MAP4K5: variants seen among roughly 807,000 people sequenced by gnomAD.
The protein encoded by MAP4K5 is mitogen-activated protein kinase kinase kinase kinase 5.
Under a neutral mutation model 135.6 loss-of-function variants are expected in MAP4K5, and 82 were observed. That is an observed-to-expected ratio of 0.60 (90% CI 0.51 to 0.73). MAP4K5 has a LOEUF of 0.73. MAP4K5 is among the 30% of genes least tolerant of loss of function. The probability of loss-of-function intolerance (pLI) is 0.00; values close to 1 mark genes in which losing one functional copy is unlikely to be tolerated. For synonymous variants in MAP4K5, 347 were observed against 335.0 expected, an observed-to-expected ratio of 1.04 and a Z score of -0.39; for missense variants, 907 against 1,010.9, an observed-to-expected ratio of 0.90 and a Z score of 1.39.
At chr14:50,448,613 AAACT>A (rs1357486307) in intron 15 of MAP4K5, among the ~76,000 whole-genome samples, 157 bp downstream of exon 15, 4 of 152,124 alleles carry the variant, frequency 2.6e-5, no homozygotes, top group Non-Finnish European at 2.9e-5. Flanking sequence ...AGTAAAAATA[AAACT>A]AACTATAAAC....
chr14:50,463,120 T>C (rs1171319519), intron 12 of MAP4K5, among the ~76,000 whole-genome samples: 1 of 152,206 alleles, frequency 6.6e-6, no homozygotes, highest in African/African-American at 2.4e-5. Flanking sequence ...TACTGTGGTA[T>C]GGTACATAAT....
At chr14:50,444,105 C>G in intron 18 of MAP4K5, 69 bp from the exon 19 acceptor site, 1 of 1,000,170 alleles carries the variant, frequency 1.0e-6, no homozygotes, top group Non-Finnish European at 1.5e-6. Flanking sequence ...ATTATTTCCC[C>G]TTTCTCCCAC....
At chr14:50,468,557 C>T (rs1365169896) in intron 10 of MAP4K5, 94 bp downstream of exon 10, 5 of 1,284,496 alleles carry the variant, frequency 3.9e-6, no homozygotes, top group Non-Finnish European at 5.4e-6. Flanking sequence ...TACTATTTTT[C>T]ATTCTTAAAA....
chr14:50,443,944 A>G lies in MAP4K5; in HGVS notation c.1432T>C (p.Phe478Leu), dbSNP rs375044484. 11 of 1,603,852 alleles carry G rather than the reference A, an allele frequency of 6.9e-6. No homozygotes were observed. The highest frequency in any genetic ancestry group is 9.4e-6 in the Non-Finnish European group (11 of 1,173,742). The change falls in exon 19 of 33, where the codon TTC (phenylalanine) becomes CTC (leucine). Residue 478 changes from phenylalanine (F) to leucine (L), a missense_variant. By Grantham distance (22) the Phe-to-Leu change is conservative. Transcript: ENST00000682126. ...QLPRKKDKRDFPKPAINGLPP... is the reference protein window; with the variant it reads ...QLPRKKDKRDLPKPAINGLPP... ...TAAATGCCTGTTATACCTACAGGGA[A>G]GTCTCGTTTGTCCTTTTTTCGTGGT...
At chr14:50,487,093 TA>T (rs2037378564) in intron 3 of MAP4K5, among the ~76,000 whole-genome samples, 1 of 152,354 alleles carries the variant, frequency 6.6e-6, no homozygotes, top group African/African-American at 2.4e-5. Flanking sequence ...GTCATGCCAT[TA>T]AAAGCTTTTA....
chr14:50,504,341 T>C (rs1172969793), intron 3 of MAP4K5, among the ~76,000 whole-genome samples: 1 of 152,110 alleles, frequency 6.6e-6, no homozygotes, highest in Non-Finnish European at 1.5e-5. Flanking sequence ...AACTATTCAA[T>C]GTGTTTTGAA....
chr14:50,486,342 T>G, intron 3 of MAP4K5, 148 bp from the exon 4 acceptor site: 2 of 480,554 alleles, frequency 4.2e-6, no homozygotes, highest in Non-Finnish European at 7.4e-6. Flanking sequence ...AATCTTTCTA[T>G]AAAGTCAGAA....
intron 2 of MAP4K5, among the ~76,000 whole-genome samples, chr14:50,514,219 G>C (rs946248928): frequency 8.7e-5 from 13 of 149,120 alleles, no homozygotes; most frequent in African/African-American, 2.7e-4. Context: ...CCGGGACTAA[G>C]GCAGGCACCA....
rs74639090 is a variant in MAP4K5, at chr14:50,437,502, G to T, written c.1856C>A (p.Thr619Lys). Residue 619 changes from threonine (T) to lysine (K), a missense_variant, in exon 26 of 33, where the codon ACA becomes AAA. By Grantham distance (78) the Thr-to-Lys change is moderately conservative (BLOSUM62 -1). Around this residue, in one of 3 missense-constraint regions of MAP4K5, gnomAD observed 690 missense variants for 777.4 expected, o/e 0.89. Transcript: ENST00000682126. Reference sequence around the variant, plus strand: ...TATGCAACATTTGTGGCAGCCTTTTGTATCAGGAATCTTTGTTGTTAAAGC... The same window carrying T: ...TATGCAACATTTGTGGCAGCCTTTTTTATCAGGAATCTTTGTTGTTAAAGC... ...KFALTTKIPD[T>K]KGCHKCCIVR... 1.9e-6 allele frequency: 3 copies of T among 1,604,310 alleles called. No homozygotes were observed. Among genetic ancestry groups the T allele is most frequent in the Non-Finnish European group, 1.7e-6 (2 of 1,176,064 alleles).
At chr14:50,520,091 G>A (rs1046945366) in intron 2 of MAP4K5, among the ~76,000 whole-genome samples, 1 of 152,192 alleles carries the variant, frequency 6.6e-6, no homozygotes, top group East Asian at 1.9e-4. Flanking sequence ...GGGGCTGGGC[G>A]TGGTGGCTCA....
intron 2 of MAP4K5, among the ~76,000 whole-genome samples, chr14:50,520,180 T>C (rs1011614227): frequency 1.3e-5 from 2 of 151,294 alleles, no homozygotes; most frequent in South Asian, 2.1e-4. Context: ...TTGGCCAACA[T>C]AGTGAAACCC....
At chr14:50,460,238 G>A (rs902638368) in intron 13 of MAP4K5, among the ~76,000 whole-genome samples, 4 of 151,800 alleles carry the variant, frequency 2.6e-5, no homozygotes, top group Admixed American at 1.3e-4. Context: ...TAAATTATTC[G>A]TTGGTACTTC....
At position 50,418,532 on chromosome 14, in the gene MAP4K5, T is replaced by TAACA. The variant is rs2035654125; in HGVS notation, c.*1483_*1486dup. The TAACA allele has an allele frequency of 6.5e-6, 1 of 152,676 alleles. No individual in the cohort carries two copies. The highest frequency in any genetic ancestry group is 2.4e-5 in the African/African-American group (1 of 41,460). 9.5% of individuals were successfully genotyped at this position (152,676 alleles called of 1,614,324 possible). On this transcript the variant is annotated 3_prime_UTR_variant, in exon 33 of 33. Coordinates refer to ENST00000682126, the MANE Select transcript of MAP4K5 (RefSeq NM_006575.6). Reference sequence around the variant, plus strand: ...TAAATAACTTTATATTCCATTTGTATAACATTTTATTGTTTGCGTATTGCA... The same window carrying TAACA: ...TAAATAACTTTATATTCCATTTGTATAACAAACATTTTATTGTTTGCGTATTGCA...
chr14:50,449,536 G>C (rs966060299), intron 14 of MAP4K5: 1 of 151,950 alleles, frequency 6.6e-6, no homozygotes, highest in African/African-American at 2.4e-5. Context: ...TACAATCTTA[G>C]GAAACAAAAT....
At chr14:50,439,158 C>T (rs1175396690) in intron 23 of MAP4K5, among the ~76,000 whole-genome samples, 7 of 151,676 alleles carry the variant, frequency 4.6e-5, no homozygotes, top group Non-Finnish European at 7.4e-5. Context: ...AAATAATATG[C>T]TCTCCATAAA....
intron 3 of MAP4K5, among the ~76,000 whole-genome samples, chr14:50,490,189 A>T (rs1186646367): frequency 6.8e-6 from 1 of 147,154 alleles, no homozygotes; most frequent in Non-Finnish European, 1.5e-5. Flanking sequence ...ACTCTTAGAA[A>T]AAAAAAAAAA....
At chr14:50,463,699 C>T (rs952254187) in intron 12 of MAP4K5, among the ~76,000 whole-genome samples, 2 of 151,854 alleles carry the variant, frequency 1.3e-5, no homozygotes, top group Non-Finnish European at 2.9e-5. Context: ...GCTTGGCCAA[C>T]ACGGTGAAAC....
At chr14:50,475,424 G>GAA (rs989027812) in intron 8 of MAP4K5, among the ~76,000 whole-genome samples, 1 of 143,538 alleles carries the variant, frequency 7.0e-6, no homozygotes, top group African/African-American at 2.6e-5. Flanking sequence ...GGGAAAAAGA[G>GAA]AAAAAAAAAA....
At chr14:50,525,039 T>C (rs2038233195) in intron 2 of MAP4K5, among the ~76,000 whole-genome samples, 1 of 152,130 alleles carries the variant, frequency 6.6e-6, no homozygotes, top group East Asian at 1.9e-4. Flanking sequence ...GCCACCCCTC[T>C]AAGGCTACAG....
Sources: gnomAD v4.1 joint callset for allele counts (sites outside exome capture counted in the v4.1 genomes callset) on GRCh38, gnomAD v4.1.1 for gene constraint, gnomAD v4.1.1 regional missense constraint, MANE v1.5 for transcripts, NCBI Gene and HGNC (gene_info 2026-07-23, HGNC 2026-07-21) for gene names.